The following HS3ST4 variants were observed in gnomAD, a reference collection of about 807,000 sequenced individuals.
HS3ST4 encodes heparan sulfate glucosamine 3-O-sulfotransferase 4.
A neutral mutation model predicts 29.2 loss-of-function variants in HS3ST4; 17 were observed. That is an observed-to-expected ratio of 0.58 (90% CI 0.40 to 0.87). The LOEUF (loss-of-function observed/expected upper bound fraction) is 0.87. Among genes scored for constraint, HS3ST4 ranks in the 40% least tolerant of loss-of-function variants. HS3ST4 has a pLI of 0.00. For missense variants in HS3ST4, 627 were observed against 634.5 expected (o/e 0.99, Z 0.13); for synonymous variants, 314 against 285.7 (o/e 1.10, Z -1.00).
chr16:26,132,735 G>T (rs138146575), intron 1 of HS3ST4, among the ~76,000 whole-genome samples: 211 of 152,176 alleles, frequency 1.4e-3, no homozygotes, highest in Admixed American at 4.3e-3. Context: ...GAAAAGTTGA[G>T]CAGCTGCTCC....
intron 1 of HS3ST4, among the ~76,000 whole-genome samples, chr16:25,709,021 C>T (rs954061241): frequency 2.6e-5 from 4 of 152,036 alleles, no homozygotes; most frequent in South Asian, 2.1e-4. Context: ...AAATCTGAAC[C>T]GAGCATAAAT....
intron 1 of HS3ST4, among the ~76,000 whole-genome samples, chr16:25,819,884 G>A (rs1053447195): frequency 8.6e-5 from 13 of 151,068 alleles, no homozygotes; most frequent in Non-Finnish European, 1.0e-4. Context: ...GGTGGTGGGC[G>A]CCTGTAACTC....
chr16:25,692,782 G>A lies in HS3ST4; in HGVS notation c.365G>A (p.Gly122Glu). ...PEPPEQPAAP[G>E]TDGWGLPSGG... ...CCCCCAGAGCAGCCAGCCGCCCCCG[G>A]GACCGACGGCTGGGGGCTGCCGAGC... Residue 122 changes from glycine (G) to glutamate (E), a missense_variant, in exon 1 of 2, where the codon GGG becomes GAG. Physicochemically the swap from Gly to Glu is moderately conservative, Grantham distance 98 (BLOSUM62 -2). Around this residue, in one of 2 missense-constraint regions of HS3ST4, gnomAD observed 402 missense variants for 340.8 expected, o/e 1.18. Coordinates refer to ENST00000331351, the MANE Select transcript of HS3ST4 (RefSeq NM_006040.3). The A allele has an allele frequency of 7.3e-7, 1 of 1,365,748 alleles. No individual in the cohort carries two copies. The highest frequency in any genetic ancestry group is 1.8e-5 in the South Asian group (1 of 55,204). 84.6% of individuals were successfully genotyped at this position (1,365,748 alleles called of 1,614,324 possible).
chr16:26,037,113 C>G (rs999048474), intron 1 of HS3ST4, among the ~76,000 whole-genome samples: 3 of 152,192 alleles, frequency 2.0e-5, no homozygotes, highest in African/African-American at 7.2e-5. Context: ...CTAAGCTCAG[C>G]CTACTTGGGT....
chr16:25,693,462 G>A (rs1018320457), intron 1 of HS3ST4, among the ~76,000 whole-genome samples: 1 of 152,216 alleles, frequency 6.6e-6, no homozygotes, highest in African/African-American at 2.4e-5. Flanking sequence ...CCTCCTGCCT[G>A]CTGGGTGTTT....
intron 1 of HS3ST4, among the ~76,000 whole-genome samples, chr16:26,024,718 G>A (rs1669894862): frequency 1.3e-5 from 2 of 152,098 alleles, no homozygotes; most frequent in East Asian, 1.9e-4. Context: ...GGCGACAAAA[G>A]CAAGACTCCA....
chr16:25,719,962 G>T (rs953740524), intron 1 of HS3ST4, among the ~76,000 whole-genome samples: 2 of 152,128 alleles, frequency 1.3e-5, no homozygotes, highest in African/African-American at 2.4e-5. Flanking sequence ...CATAGTAAAG[G>T]TTCTTTCCGT....
chr16:25,855,176 A>G (rs1596591943), intron 1 of HS3ST4, among the ~76,000 whole-genome samples: 1 of 152,170 alleles, frequency 6.6e-6, no homozygotes, highest in South Asian at 2.1e-4. Context: ...AGTTGGTTGA[A>G]AGAGTTAAGC....
chr16:25,981,375 T>C (rs1433883758), intron 1 of HS3ST4, among the ~76,000 whole-genome samples: 1 of 151,344 alleles, frequency 6.6e-6, no homozygotes, highest in Non-Finnish European at 1.5e-5. Context: ...GGGATTTGGG[T>C]TTGGAATTGG....
intron 1 of HS3ST4, among the ~76,000 whole-genome samples, chr16:25,961,681 A>T (rs888442250): frequency 1.6e-4 from 24 of 152,198 alleles, no homozygotes; most frequent in Middle Eastern, 3.2e-3. Flanking sequence ...AGTCCCAAGC[A>T]TTATTTTATT....
At chr16:26,049,754 G>C (rs1240503443) in intron 1 of HS3ST4, among the ~76,000 whole-genome samples, 1 of 152,120 alleles carries the variant, frequency 6.6e-6, no homozygotes, top group African/African-American at 2.4e-5. Flanking sequence ...GCCTCTAACC[G>C]GTTGGCTACA....
chr16:26,123,355 G>T (rs577676065), intron 1 of HS3ST4, among the ~76,000 whole-genome samples: 4 of 152,152 alleles, frequency 2.6e-5, no homozygotes, highest in Non-Finnish European at 4.4e-5. Context: ...ACACACCTCT[G>T]TCAAGATGAC....
intron 1 of HS3ST4, among the ~76,000 whole-genome samples, chr16:25,949,051 A>T (rs1473792008): frequency 6.7e-6 from 1 of 149,918 alleles, no homozygotes; most frequent in Admixed American, 6.7e-5. Flanking sequence ...TTATCTGGTA[A>T]TTTTTTTTTT....
intron 1 of HS3ST4, among the ~76,000 whole-genome samples, chr16:25,982,976 G>A (rs1969023581): frequency 6.6e-6 from 1 of 152,186 alleles, no homozygotes; most frequent in South Asian, 2.1e-4. Context: ...ACTGTTCTGG[G>A]CACTGAAGGT....
intron 1 of HS3ST4, among the ~76,000 whole-genome samples, chr16:25,976,569 G>C (rs1438482744): frequency 2.6e-5 from 4 of 152,172 alleles, no homozygotes; most frequent in African/African-American, 9.7e-5. Context: ...GTATGGCGGT[G>C]GGGGTTTTAT....
intron 1 of HS3ST4, among the ~76,000 whole-genome samples, chr16:25,878,387 C>A (rs1967855812): frequency 6.6e-6 from 1 of 152,144 alleles, no homozygotes; most frequent in South Asian, 2.1e-4. Context: ...CATCACTTCT[C>A]TCATTACGTT....
intron 1 of HS3ST4, among the ~76,000 whole-genome samples, chr16:26,134,362 C>CTTTTCTTTTCTTTTTT (rs750289979): frequency 5.2e-5 from 4 of 76,808 alleles, no homozygotes; most frequent in African/African-American, 1.9e-4. Flanking sequence ...CTTTTCTTTT[C>CTTTTCTTTTCTTTTTT]TTTTTTTTTT....
At chr16:25,914,999 G>A (rs1345086140) in intron 1 of HS3ST4, among the ~76,000 whole-genome samples, 3 of 152,052 alleles carry the variant, frequency 2.0e-5, no homozygotes, top group Non-Finnish European at 4.4e-5. Flanking sequence ...TCTTAGTTAT[G>A]CGGGCTGCGC....
At chr16:25,877,425 TTCTC>T (rs1340519627) in intron 1 of HS3ST4, among the ~76,000 whole-genome samples, 1 of 152,164 alleles carries the variant, frequency 6.6e-6, no homozygotes, top group African/African-American at 2.4e-5. Flanking sequence ...ACCCCAAGTC[TTCTC>T]TCTCTGTTAA....
Sources: allele counts gnomAD v4.1 joint callset (sites outside exome capture counted in the v4.1 genomes callset), GRCh38; gene constraint gnomAD v4.1.1; regional missense constraint gnomAD v4.1.1; transcripts MANE v1.5; gene names NCBI Gene and HGNC (gene_info 2026-07-23, HGNC 2026-07-21).